Variants in LRMDA observed in about 807,000 individuals in gnomAD.
The protein encoded by LRMDA is leucine-rich melanocyte differentiation-associated protein.
LRMDA carries 18 observed loss-of-function variants against 29.8 expected under a neutral mutation model. The ratio of observed to expected loss-of-function variants is 0.60; its 90% confidence interval spans 0.42 to 0.90. LRMDA has a LOEUF of 0.90. Among genes scored for constraint, LRMDA ranks in the 40% least tolerant of loss-of-function variants. The pLI, the probability that LRMDA is intolerant of heterozygous loss-of-function variation, is 0.00. For synonymous variants in LRMDA, 125 were observed against 109.4 expected (o/e 1.14, Z -0.89); for missense variants, 273 against 273.9 (o/e 1.00, Z 0.02).
intron 5 of LRMDA, among the ~76,000 whole-genome samples, chr10:76,165,713 A>G (rs1021718072): frequency 6.6e-6 from 1 of 152,184 alleles, no homozygotes; most frequent in African/African-American, 2.4e-5. Flanking sequence ...GGAGGGGAAT[A>G]GCCCCTTATA....
intron 2 of LRMDA, among the ~76,000 whole-genome samples, chr10:75,698,493 C>A (rs955094423): frequency 6.6e-6 from 1 of 150,960 alleles, no homozygotes; most frequent in East Asian, 1.9e-4. Context: ...ATTTAATAGT[C>A]AGACTGAACT....
intron 2 of LRMDA, among the ~76,000 whole-genome samples, chr10:75,882,400 T>C (rs56771070): frequency 0.015 from 2,316 of 152,322 alleles, 61 homozygotes; most frequent in African/African-American, 0.05. Context: ...CTGAATTTCT[T>C]TGTTTTTTGA....
chr10:76,288,865 G>A (rs1394221574), intron 5 of LRMDA, among the ~76,000 whole-genome samples: 1 of 152,138 alleles, frequency 6.6e-6, no homozygotes, highest in Non-Finnish European at 1.5e-5. Context: ...AAACATGATG[G>A]AGGGCCAGCC....
chr10:75,843,978 C>T (rs966276580), intron 2 of LRMDA, among the ~76,000 whole-genome samples: 4 of 151,998 alleles, frequency 2.6e-5, no homozygotes, highest in South Asian at 2.1e-4. Flanking sequence ...AGGCCCTTCT[C>T]GCTGGGCTGT....
chr10:75,588,798 A>G lies in LRMDA; in HGVS notation c.131+150304A>G, dbSNP rs909945105. 4.6e-5 allele frequency among the ~76,000 whole-genome samples: 7 copies of G among 152,156 alleles called. No individual in the cohort carries two copies. In the East Asian group the frequency reaches 1.2e-3, roughly 25 times the overall value. ...TTTGTATTTTTTCAGAGTTTCTAAA[A>G]TTTTATATGTATAAGCAAGCATATT... is the stretch of plus-strand genomic sequence containing the variant. On this transcript the variant is annotated intron_variant, in intron 2 of 6. Transcript: ENST00000611255.
rs756023731 is a variant in LRMDA at position 76,077,992 on chromosome 10, A to ATTTTTT, written c.516+19240_516+19245dup. Among the ~76,000 whole-genome samples the ATTTTTT allele has an allele frequency of 1.5e-4, 7 of 48,048 alleles. 1 individual carries two copies. The highest frequency in any genetic ancestry group is 9.3e-4 in the South Asian group (1 of 1,076). 31.5% of individuals were successfully genotyped at this position (48,048 alleles called of 152,430 possible). On this transcript the variant is annotated intron_variant, in intron 5 of 6. Transcript: ENST00000611255. ...TCCTACCCCTAACTGCAATATTAACATTTTTTTTTTTTTTTTTTTTTTTTT... is the reference window on the plus strand; with the variant it reads ...TCCTACCCCTAACTGCAATATTAACATTTTTTTTTTTTTTTTTTTTTTTTTTTTTTT...
chr10:75,659,022 C>A lies in LRMDA; in HGVS notation c.131+220528C>A, dbSNP rs116258973. On this transcript the variant is annotated intron_variant, in intron 2 of 6. Coordinates refer to ENST00000611255, the MANE Select transcript of LRMDA (RefSeq NM_001305581.2). ...AGAAGCTTGATGGGCCTGGCCCCAC[C>A]GGCAGGAGATGAGGTAGATGGCCCC... Among the ~76,000 whole-genome samples, 6 of 152,266 alleles carry A rather than the reference C, an allele frequency of 3.9e-5. No individual in the cohort carries two copies. In the East Asian group the frequency reaches 9.7e-4, roughly 25 times the overall value.
chr10:76,412,553 A>G (rs1347029178), intron 6 of LRMDA, among the ~76,000 whole-genome samples: 1 of 152,194 alleles, frequency 6.6e-6, no homozygotes, highest in Non-Finnish European at 1.5e-5. Context: ...TGCCCTTTCT[A>G]GGTGAGATGA....
At chr10:75,521,610 C>T (rs1370794030) in intron 2 of LRMDA, among the ~76,000 whole-genome samples, 2 of 152,190 alleles carry the variant, frequency 1.3e-5, no homozygotes, top group African/African-American at 4.8e-5. Context: ...CCAGTACAGT[C>T]TCTAATGGCT....
At chr10:75,696,218 G>T (rs1842232085) in intron 2 of LRMDA, among the ~76,000 whole-genome samples, 1 of 152,202 alleles carries the variant, frequency 6.6e-6, no homozygotes, top group South Asian at 2.1e-4. Context: ...GAATAAAATA[G>T]CACAGATGTA....
At chr10:76,052,361 C>T (rs1344788085) in intron 4 of LRMDA, among the ~76,000 whole-genome samples, 2 of 152,194 alleles carry the variant, frequency 1.3e-5, no homozygotes, top group Non-Finnish European at 2.9e-5. Context: ...CAGCCAACCC[C>T]ATTCGCAGAC....
chr10:76,275,331 TTTGA>T (rs1353862391), intron 5 of LRMDA, among the ~76,000 whole-genome samples: 1 of 152,040 alleles, frequency 6.6e-6, no homozygotes, highest in East Asian at 1.9e-4. Context: ...TTAAGATTTA[TTTGA>T]TTGTTCTTCA....
At chr10:75,462,124 A>G (rs1370031271) in intron 2 of LRMDA, among the ~76,000 whole-genome samples, 3 of 152,250 alleles carry the variant, frequency 2.0e-5, no homozygotes, top group African/African-American at 7.2e-5. Context: ...ACAAAGTATG[A>G]AGCCTGGATA....
intron 2 of LRMDA, among the ~76,000 whole-genome samples, chr10:75,844,288 CT>C (rs1844594764): frequency 6.6e-6 from 1 of 152,084 alleles, no homozygotes; most frequent in African/African-American, 2.4e-5. Flanking sequence ...TTCTCTTTTC[CT>C]TTTGCAAAAT....
intron 2 of LRMDA, among the ~76,000 whole-genome samples, chr10:75,589,912 TGTTCACATTTTTGG>T (rs926544235): frequency 2.0e-5 from 3 of 152,136 alleles, no homozygotes; most frequent in African/African-American, 7.2e-5. Context: ...ATGGTAAACT[TGTTCACATTTTTGG>T]GTTCACATTT....
intron 6 of LRMDA, among the ~76,000 whole-genome samples, chr10:76,515,659 C>T (rs1477612980): frequency 1.3e-5 from 2 of 152,186 alleles, no homozygotes; most frequent in East Asian, 1.9e-4. Context: ...GCTTGTACCA[C>T]CACACCCAGC....
chr10:75,895,734 C>T (rs745361096), intron 2 of LRMDA, among the ~76,000 whole-genome samples: 1 of 152,180 alleles, frequency 6.6e-6, no homozygotes, highest in Non-Finnish European at 1.5e-5. Context: ...GGGTTTAGAA[C>T]AGCACGTGAA....
chr10:76,228,986 T>G (rs2132269861), intron 5 of LRMDA, among the ~76,000 whole-genome samples: 1 of 152,352 alleles, frequency 6.6e-6, no homozygotes, highest in African/African-American at 2.4e-5. Context: ...TTAGCTTAGC[T>G]TACTGTTATA....
chr10:76,559,422 A>T lies in LRMDA; in HGVS notation c.*2134A>T, dbSNP rs532071540. The T allele has an allele frequency of 1.3e-5, 2 of 152,298 alleles. No individual in the cohort carries two copies. The highest frequency in any genetic ancestry group is 4.1e-4 in the South Asian group (2 of 4,826). 9.4% of individuals were successfully genotyped at this position (152,298 alleles called of 1,614,324 possible). ...GAATGGTGTAATAACTTTAATTAAGATTAGCTTTAATTATAAATTACCTAA... is the reference window on the plus strand; with the variant it reads ...GAATGGTGTAATAACTTTAATTAAGTTTAGCTTTAATTATAAATTACCTAA... On this transcript the variant is annotated 3_prime_UTR_variant, in exon 7 of 7. Coordinates refer to ENST00000611255, the MANE Select transcript of LRMDA (RefSeq NM_001305581.2).
Sources: gnomAD v4.1 joint callset for allele counts (sites outside exome capture counted in the v4.1 genomes callset) on GRCh38, gnomAD v4.1.1 for gene constraint, MANE v1.5 for transcripts, NCBI Gene and HGNC (gene_info 2026-07-23, HGNC 2026-07-21) for gene names.